The following SCAPER variants were observed in gnomAD, a reference collection of about 807,000 sequenced individuals.
SCAPER encodes the protein S-phase cyclin A associated protein in the ER, also known as S phase cyclin A-associated protein in the endoplasmic reticulum.
Under a neutral mutation model 182.2 loss-of-function variants are expected in SCAPER, and 98 were observed. The ratio of observed to expected loss-of-function variants is 0.54; its 90% CI spans 0.46 to 0.64. SCAPER has a LOEUF of 0.64. SCAPER is among the 30% of genes least tolerant of loss of function. The probability of loss-of-function intolerance (pLI) is 0.00; values close to 1 mark genes in which losing one functional copy is unlikely to be tolerated. For synonymous variants in SCAPER, 605 were observed against 564.6 expected (o/e 1.07, Z -1.01); for missense variants, 1,432 against 1,690.0 (o/e 0.85, Z 2.68).
At chr15:76,894,890 A>G (rs2074346579) in intron 1 of SCAPER, among the ~76,000 whole-genome samples, 1 of 152,174 alleles carries the variant, frequency 6.6e-6, no homozygotes, top group African/African-American at 2.4e-5. Context: ...TGATTTTTTA[A>G]TAAAAAACTC....
chr15:76,351,461 T>C (rs1485067683), intron 30 of SCAPER, among the ~76,000 whole-genome samples, 173 bp from the exon 31 acceptor site: 2 of 152,236 alleles, frequency 1.3e-5, no homozygotes, highest in African/African-American at 4.8e-5. Flanking sequence ...TCATAAATAG[T>C]AATGACTTAC....
chr15:76,717,389 G>C (rs1025473088), intron 17 of SCAPER, among the ~76,000 whole-genome samples: 3 of 152,054 alleles, frequency 2.0e-5, no homozygotes, highest in African/African-American at 7.2e-5. Flanking sequence ...AGAATACTTC[G>C]AAACTGTAAG....
chr15:76,598,892 G>A (rs1597595275), intron 22 of SCAPER, among the ~76,000 whole-genome samples: 2 of 117,312 alleles, frequency 1.7e-5, no homozygotes, highest in African/African-American at 5.1e-5. Flanking sequence ...GTATACCTAC[G>A]TAACCTGTAT....
chr15:76,553,881 A>G (rs773073147), intron 23 of SCAPER, among the ~76,000 whole-genome samples: 5 of 152,256 alleles, frequency 3.3e-5, no homozygotes, highest in East Asian at 1.9e-4. Flanking sequence ...ACAGATGAGA[A>G]AGAACTAGTG....
rs546528237 is a variant in SCAPER at position 76,679,824 on chromosome 15, T to G, written c.2509-14035A>C. Among the ~76,000 whole-genome samples the G allele has an allele frequency of 1.2e-3, 180 of 152,328 alleles. 3 individuals carry two copies. The highest frequency in any genetic ancestry group is 0.012 in the Admixed American group (180 of 15,296). ...CAGATTCTGATGTTCCTTTCTGATC[T>G]AATCTGAGGTTTAACAGACAACTCA... On this transcript the variant is annotated intron_variant, in intron 20 of 31. Transcript: ENST00000563290.
intron 27 of SCAPER, 24 bp downstream of exon 27, chr15:76,404,500 A>G (rs200266154): frequency 8.2e-5 from 129 of 1,580,582 alleles, no homozygotes; most frequent in Non-Finnish European, 1.0e-4. Flanking sequence ...TTGAGTCTAG[A>G]TTGAGATCAA....
At chr15:76,435,325 C>G (rs2142555882) in intron 25 of SCAPER, among the ~76,000 whole-genome samples, 1 of 152,208 alleles carries the variant, frequency 6.6e-6, no homozygotes, top group African/African-American at 2.4e-5. Flanking sequence ...TAATATTTAC[C>G]CTTTTGTCCA....
At chr15:76,649,809 T>G (rs148178647) in intron 21 of SCAPER, among the ~76,000 whole-genome samples, 1 of 152,036 alleles carries the variant, frequency 6.6e-6, no homozygotes, top group East Asian at 1.9e-4. Flanking sequence ...ATAGACGTTT[T>G]CAGGCAAACA....
At chr15:76,406,615 TACACACACAC>T (rs36219509) in intron 26 of SCAPER, among the ~76,000 whole-genome samples, 6 of 149,702 alleles carry the variant, frequency 4.0e-5, no homozygotes, top group South Asian at 2.1e-4. Flanking sequence ...AGACCCTGTC[TACACACACAC>T]ACACACACAC....
At chr15:76,901,123 A>G (rs12593107) in intron 1 of SCAPER, among the ~76,000 whole-genome samples, 124,274 of 152,102 alleles carry the variant, frequency 0.82, 51,557 homozygotes, top group Middle Eastern at 0.91. Flanking sequence ...CCAGCTACTC[A>G]GGAGGCTGAG....
intron 14 of SCAPER, among the ~76,000 whole-genome samples, chr15:76,763,306 G>A (rs1245966153): frequency 7.0e-6 from 1 of 142,524 alleles, no homozygotes; most frequent in East Asian, 2.3e-4. Flanking sequence ...CTCCTAGCCT[G>A]GAAGATTCAT....
chr15:76,883,261 T>G lies in SCAPER; in HGVS notation c.6+551A>C, dbSNP rs549559401. Reference sequence around the variant, plus strand: ...AATTATCGAGGCAGACTGGACTCCATGTATACCTCCATTCCTTTCTCCTCC... The same window carrying G: ...AATTATCGAGGCAGACTGGACTCCAGGTATACCTCCATTCCTTTCTCCTCC... On this transcript the variant is annotated intron_variant, in intron 2 of 31. Coordinates refer to ENST00000563290, the MANE Select transcript of SCAPER (RefSeq NM_020843.4). 9.9e-5 allele frequency among the ~76,000 whole-genome samples: 15 copies of G among 152,262 alleles called. No individual in the cohort carries two copies. The South Asian group carries it at 1.7e-3, about 17-fold the overall frequency.
At chr15:76,763,603 T>C (rs2151267668) in intron 14 of SCAPER, among the ~76,000 whole-genome samples, 1 of 152,280 alleles carries the variant, frequency 6.6e-6, no homozygotes, top group African/African-American at 2.4e-5. Context: ...AATGCATATA[T>C]TCATTCAATG....
chr15:76,769,775 C>T (rs945453664), intron 10 of SCAPER, among the ~76,000 whole-genome samples: 2 of 152,114 alleles, frequency 1.3e-5, no homozygotes, highest in African/African-American at 4.8e-5. Context: ...ATTAGTTCAA[C>T]TATTGTGGAA....
At chr15:76,666,452 C>A (rs1892861961) in intron 20 of SCAPER, among the ~76,000 whole-genome samples, 1 of 152,168 alleles carries the variant, frequency 6.6e-6, no homozygotes, top group Admixed American at 6.5e-5. Flanking sequence ...TCACTATAAT[C>A]ATTCTGTTGC....
At chr15:76,624,458 T>C (rs1181676712) in intron 21 of SCAPER, among the ~76,000 whole-genome samples, 1 of 152,196 alleles carries the variant, frequency 6.6e-6, no homozygotes, top group Non-Finnish European at 1.5e-5. Context: ...AGAATCAATA[T>C]CATTAAAATG....
rs186001992 is a variant in SCAPER, at chr15:76,388,917, C to T, written c.3468-7302G>A. Among the ~76,000 whole-genome samples, 77 of 151,142 alleles carry T rather than the reference C, an allele frequency of 5.1e-4. 1 individual carries two copies. Among genetic ancestry groups the T allele is most frequent in the Admixed American group, 3.1e-3 (47 of 15,200 alleles). ...TGGAGGTTGCAGTGAGCTGAGATCA[C>T]GACACTGCACTCTAGCCTGGCGACA... On this transcript the variant is annotated intron_variant, in intron 27 of 31. Transcript: ENST00000563290.
At chr15:76,527,005 C>A (rs751867389) in intron 23 of SCAPER, among the ~76,000 whole-genome samples, 1 of 151,764 alleles carries the variant, frequency 6.6e-6, no homozygotes, top group Middle Eastern at 3.2e-3. Context: ...CCAAGTAGCT[C>A]GGATTACAGA....
intron 25 of SCAPER, among the ~76,000 whole-genome samples, chr15:76,463,213 G>A (rs952297598): frequency 2.0e-5 from 3 of 152,152 alleles, no homozygotes; most frequent in Admixed American, 6.6e-5. Context: ...AACTGGAAGA[G>A]TACTGTTACC....
Sources: gnomAD v4.1 joint callset for allele counts (sites outside exome capture counted in the v4.1 genomes callset) on GRCh38, gnomAD v4.1.1 for gene constraint, MANE v1.5 for transcripts, NCBI Gene and HGNC (gene_info 2026-07-23, HGNC 2026-07-21) for gene names.